Variants in TTC17 observed in about 807,000 individuals in gnomAD.
The protein encoded by TTC17 is tetratricopeptide repeat protein 17.
A neutral mutation model predicts 143.8 loss-of-function variants in TTC17; 58 were observed. The observed-to-expected ratio is 0.40, with a 90% CI of 0.33 to 0.50. The LOEUF (loss-of-function observed/expected upper bound fraction) is 0.50, where lower values mean the gene tolerates loss of function less well. Ranked by LOEUF, TTC17 falls within the 20% of genes least tolerant of loss-of-function variation. The probability of loss-of-function intolerance (pLI) is 0.49; values close to 1 mark genes in which losing one functional copy is unlikely to be tolerated. For missense variants in TTC17, 1,273 were observed against 1,392.5 expected (o/e 0.91, Z 1.37); for synonymous variants, 501 against 497.8 (o/e 1.01, Z -0.09).
At chr11:43,476,989 A>G in intron 21 of TTC17, among the ~76,000 whole-genome samples, 1 of 152,320 alleles carries the variant, frequency 6.6e-6, no homozygotes, top group Admixed American at 6.5e-5. Flanking sequence ...CTTTAACAGC[A>G]CCCAAGTCAC....
intron 21 of TTC17, among the ~76,000 whole-genome samples, chr11:43,473,827 G>C (rs1948134109): frequency 1.3e-5 from 2 of 150,514 alleles, no homozygotes; most frequent in Non-Finnish European, 2.9e-5. Context: ...AGGTTTCAGT[G>C]AGCCAAGATT....
chr11:43,379,084 A>T (rs897930285), intron 1 of TTC17, 149 bp from the exon 2 acceptor site: 1 of 732,314 alleles, frequency 1.4e-6, no homozygotes, highest in African/African-American at 1.8e-5. Flanking sequence ...TTTACATGTG[A>T]TCACTTTGAA....
chr11:43,493,897 C>T lies in TTC17; in HGVS notation c.3419C>T (p.Ser1140Phe). 6.3e-7 allele frequency: 1 copy of T among 1,595,328 alleles called. No individual in the cohort carries two copies. The highest frequency in any genetic ancestry group is 8.6e-7 in the Non-Finnish European group (1 of 1,168,000). The change falls in exon 24 of 24, where the codon TCT (serine) becomes TTT (phenylalanine). Residue 1140 changes from serine to phenylalanine, a missense_variant. Ser to Phe is a radical substitution (Grantham distance 155). Around this residue, in one of 3 missense-constraint regions of TTC17, gnomAD observed 878 missense variants for 899.8 expected, o/e 0.98. Coordinates refer to ENST00000039989, the MANE Select transcript of TTC17 (RefSeq NM_018259.6). ...TTAATGCTGAAGAAGGGACGGCGCT[C>T]TCCTTAGTGCACTTCTTCCTTCTCT... The part of the protein sequence containing the change: ...CHLMLKKGRR[S>F]P
intron 16 of TTC17, among the ~76,000 whole-genome samples, chr11:43,433,024 T>C (rs1947194644): frequency 6.6e-6 from 1 of 151,250 alleles, no homozygotes; most frequent in Non-Finnish European, 1.5e-5. Flanking sequence ...TTGTTGGAGA[T>C]GGAATCTCGC....
At chr11:43,455,577 A>G (rs986770633) in intron 21 of TTC17, among the ~76,000 whole-genome samples, 1 of 152,164 alleles carries the variant, frequency 6.6e-6, no homozygotes, top group South Asian at 2.1e-4. Flanking sequence ...CATATAATTT[A>G]TTCAAATAGG....
intron 16 of TTC17, chr11:43,436,236 A>G (rs1040661343): frequency 3.4e-6 from 5 of 1,486,426 alleles, no homozygotes; most frequent in Non-Finnish European, 4.5e-6. Flanking sequence ...CAGTCACTGG[A>G]TGCTGCTGAA....
chr11:43,479,433 G>T (rs895649181), intron 21 of TTC17, among the ~76,000 whole-genome samples: 5 of 152,116 alleles, frequency 3.3e-5, no homozygotes, highest in African/African-American at 4.8e-5. Flanking sequence ...TGGGTTACAT[G>T]AATTAGACAT....
At chr11:43,462,003 T>A (rs1284225271) in intron 21 of TTC17, among the ~76,000 whole-genome samples, 1 of 149,790 alleles carries the variant, frequency 6.7e-6, no homozygotes, top group Non-Finnish European at 1.5e-5. Flanking sequence ...AGAGCACAAA[T>A]AGTACAATGG....
At chr11:43,443,988 G>A (rs1417588614) in intron 17 of TTC17, 68 bp from the exon 18 acceptor site, 3 of 1,499,630 alleles carry the variant, frequency 2.0e-6, no homozygotes, top group East Asian at 2.3e-5. Flanking sequence ...TCTTAAACTA[G>A]TATTCACAAA....
In TTC17 at chr11:43,439,953, C is replaced by A. The variant is rs550418379; in HGVS notation, c.2252-3372C>A. 4.9e-4 allele frequency among the ~76,000 whole-genome samples: 74 copies of A among 152,294 alleles called. 1 individual carries two copies. The highest frequency in any genetic ancestry group is 1.7e-3 in the African/African-American group (70 of 41,570). Reference sequence around the variant, plus strand: ...TCTCTCCAACTTCACAATATTTATTCTTCTTCCCAGTGTGAAAATGGTGCT... The same window carrying A: ...TCTCTCCAACTTCACAATATTTATTATTCTTCCCAGTGTGAAAATGGTGCT... On this transcript the variant is annotated intron_variant, in intron 16 of 23. Coordinates refer to ENST00000039989, the MANE Select transcript of TTC17 (RefSeq NM_018259.6).
chr11:43,477,444 G>C (rs182317933), intron 21 of TTC17, among the ~76,000 whole-genome samples: 53 of 152,254 alleles, frequency 3.5e-4, no homozygotes, highest in South Asian at 1.7e-3. Flanking sequence ...CCAAAACCAG[G>C]AACAAAAAGG....
At chr11:43,389,550 A>G in intron 2 of TTC17, 102 bp from the exon 3 acceptor site, 1 of 1,201,904 alleles carries the variant, frequency 8.3e-7, no homozygotes, top group South Asian at 1.8e-5. Context: ...CTTCCTACAT[A>G]GAGGATTCTG....
chr11:43,464,717 A>C (rs1252638971), intron 21 of TTC17, among the ~76,000 whole-genome samples: 2 of 152,222 alleles, frequency 1.3e-5, no homozygotes, highest in Non-Finnish European at 2.9e-5. Context: ...AAAGAGGAAA[A>C]AAATGGAAAT....
intron 19 of TTC17, 137 bp downstream of exon 19, chr11:43,448,259 ACCATGGCC>A (rs1947588591): frequency 4.6e-6 from 6 of 1,318,470 alleles, no homozygotes; most frequent in Non-Finnish European, 6.1e-6. Context: ...GACCATGCTG[ACCATGGCC>A]CCCAGGTGGA....
At position 43,405,910 on chromosome 11, in the gene TTC17, A is replaced by C. The variant is rs200854514; in HGVS notation, c.1720A>C (p.Met574Leu). 1.2e-4 allele frequency: 198 copies of C among 1,613,812 alleles called. 1 individual carries two copies. In the East Asian group the frequency reaches 3.9e-3, roughly 32 times the overall value. The change falls in exon 13 of 24, where the codon ATG (methionine) becomes CTG (leucine). Residue 574 changes from methionine to leucine, a missense_variant. This residue lies in a region of TTC17 where 878 missense variants were observed against 899.8 expected (regional missense o/e 0.98). Coordinates refer to ENST00000039989, the MANE Select transcript of TTC17 (RefSeq NM_018259.6). ...CTTAGTCAAAGAATTAGAGGTTCGC[A>C]TGGATCTGAAAGCCAAAATGCCAGA... ...SYLVKELEVR[M>L]DLKAKMPDDH...
At chr11:43,383,104 C>T (rs1857035703) in intron 2 of TTC17, among the ~76,000 whole-genome samples, 1 of 151,940 alleles carries the variant, frequency 6.6e-6, no homozygotes, top group Non-Finnish European at 1.5e-5. Context: ...ACTTTGTTGC[C>T]TAGGCTGGTT....
At chr11:43,365,383 C>G (rs1198812137) in intron 1 of TTC17, among the ~76,000 whole-genome samples, 2 of 152,200 alleles carry the variant, frequency 1.3e-5, no homozygotes, top group African/African-American at 4.8e-5. Context: ...ATCCTCCCGC[C>G]TCAGCCTCCC....
intron 16 of TTC17, among the ~76,000 whole-genome samples, chr11:43,434,249 C>G (rs1163237426): frequency 2.0e-5 from 3 of 148,908 alleles, no homozygotes; most frequent in African/African-American, 7.5e-5. Context: ...GGCCTCTTTC[C>G]CATTAGCCCT....
intron 15 of TTC17, 61 bp from the exon 16 acceptor site, chr11:43,414,529 T>C: frequency 6.5e-7 from 1 of 1,541,760 alleles, no homozygotes. Context: ...ACTGTAAACG[T>C]TTTGTAACTC....
Sources: gnomAD v4.1 joint callset for allele counts (sites outside exome capture counted in the v4.1 genomes callset) on GRCh38, gnomAD v4.1.1 for gene constraint, gnomAD v4.1.1 regional missense constraint, MANE v1.5 for transcripts, NCBI Gene and HGNC (gene_info 2026-07-23, HGNC 2026-07-21) for gene names.